Variants in UST observed in about 807,000 individuals in gnomAD.
UST encodes the protein chondroitin sulfate 2-O-sulfotransferase.
A neutral mutation model predicts 45.6 loss-of-function variants in UST; 21 were observed. The ratio of observed to expected loss-of-function variants is 0.46; its 90% CI spans 0.33 to 0.66. The LOEUF is 0.66. UST is among the 30% of genes least tolerant of loss of function. UST has a pLI of 0.02. For synonymous variants in UST, 215 were observed against 200.6 expected (o/e 1.07, Z -0.61); for missense variants, 463 against 512.4 (o/e 0.90, Z 0.93).
At chr6:148,972,479 A>G (rs541942435) in intron 5 of UST, among the ~76,000 whole-genome samples, 14 of 152,330 alleles carry the variant, frequency 9.2e-5, no homozygotes, top group African/African-American at 3.1e-4. Flanking sequence ...GAGCTTGGGT[A>G]CAGTAAAGTG....
At chr6:149,070,369 T>C (rs1456928393) in intron 7 of UST, among the ~76,000 whole-genome samples, 2 of 152,220 alleles carry the variant, frequency 1.3e-5, no homozygotes, top group African/African-American at 2.4e-5. Flanking sequence ...AAGACAGATA[T>C]TATAAAATGT....
At chr6:149,029,285 A>C (rs1397825855) in intron 7 of UST, among the ~76,000 whole-genome samples, 1 of 149,426 alleles carries the variant, frequency 6.7e-6, no homozygotes, top group African/African-American at 2.4e-5. Flanking sequence ...AAGTATATAC[A>C]TGTATATCTA....
intron 6 of UST, 77 bp downstream of exon 6, chr6:149,019,313 G>A (rs1775948448): frequency 9.2e-7 from 1 of 1,084,680 alleles, no homozygotes; most frequent in Non-Finnish European, 1.4e-6. Context: ...GTACTCGGTG[G>A]GAATCTTTTG....
intron 1 of UST, among the ~76,000 whole-genome samples, chr6:148,877,640 T>G: frequency 1.1e-5 from 1 of 92,058 alleles, no homozygotes; most frequent in Non-Finnish European, 2.1e-5. Flanking sequence ...CGTGTATGAG[T>G]GTGGGGTCGT....
intron 5 of UST, chr6:148,992,995 C>T (rs903626888): frequency 6.1e-5 from 60 of 985,280 alleles, no homozygotes; most frequent in Non-Finnish European, 6.9e-5. Flanking sequence ...CCCCTTTGGG[C>T]GGCTCAGCAT....
At chr6:148,803,402 C>T (rs1019844598) in intron 1 of UST, among the ~76,000 whole-genome samples, 19 of 152,290 alleles carry the variant, frequency 1.2e-4, no homozygotes, top group African/African-American at 4.6e-4. Flanking sequence ...TGGGCATCAA[C>T]CCTAACAGAA....
At chr6:148,885,555 G>T (rs1304970662) in intron 1 of UST, among the ~76,000 whole-genome samples, 2 of 152,166 alleles carry the variant, frequency 1.3e-5, no homozygotes, top group Admixed American at 1.3e-4. Flanking sequence ...GGCATGCTGG[G>T]TGTTTGTGTT....
At chr6:149,022,710 T>A (rs1775997350) in intron 7 of UST, among the ~76,000 whole-genome samples, 1 of 152,126 alleles carries the variant, frequency 6.6e-6, no homozygotes, top group Non-Finnish European at 1.5e-5. Flanking sequence ...CACTGGTAGG[T>A]CCCAAGGCCC....
intron 1 of UST, among the ~76,000 whole-genome samples, chr6:148,871,117 C>CCTCTCTCGCTCT (rs1778544217): frequency 1.0e-5 from 1 of 97,586 alleles, no homozygotes; most frequent in African/African-American, 4.6e-5. Flanking sequence ...GCATTCTCTC[C>CCTCTCTCGCTCT]CTCTCTCTCT....
intron 1 of UST, among the ~76,000 whole-genome samples, chr6:148,794,171 G>T (rs965396110): frequency 6.6e-6 from 1 of 152,152 alleles, no homozygotes; most frequent in Non-Finnish European, 1.5e-5. Context: ...GTCATATTGG[G>T]AATAATTTTT....
At chr6:148,772,472 G>A (rs1273010840) in intron 1 of UST, among the ~76,000 whole-genome samples, 1 of 151,712 alleles carries the variant, frequency 6.6e-6, no homozygotes, top group Non-Finnish European at 1.5e-5. Context: ...ACCCACGCTG[G>A]AGTGCAGTGG....
intron 1 of UST, among the ~76,000 whole-genome samples, chr6:148,833,468 AAGAG>A (rs1175858354): frequency 6.6e-6 from 1 of 152,166 alleles, no homozygotes; most frequent in African/African-American, 2.4e-5. Flanking sequence ...GCCTGGGTGA[AAGAG>A]AGAGACCCTA....
chr6:148,914,314 T>C (rs1779539877), intron 2 of UST, among the ~76,000 whole-genome samples: 1 of 151,624 alleles, frequency 6.6e-6, no homozygotes, highest in Admixed American at 6.6e-5. Flanking sequence ...GATTCTACCT[T>C]TGATAAATGA....
Position 148,844,966 on chromosome 6 carries a change from GT to G in UST, c.248-42012del, listed in dbSNP as rs992846485. ...CAAAGAACATGGTTTCATTGTTGTT[GT>G]TTTTTTTAATGGCTGCATAGTATTC... is the stretch of plus-strand genomic sequence containing the variant. On this transcript the variant is annotated intron_variant, in intron 1 of 7. Transcript: ENST00000367463. 2.6e-5 allele frequency among the ~76,000 whole-genome samples: 4 copies of G among 151,718 alleles called. No individual in the cohort carries two copies. The East Asian group carries it at 7.7e-4, about 29-fold the overall frequency.
chr6:148,995,903 A>G (rs1456103423), intron 5 of UST, among the ~76,000 whole-genome samples: 2 of 152,204 alleles, frequency 1.3e-5, no homozygotes, highest in African/African-American at 4.8e-5. Context: ...GGCCCTATTC[A>G]TGCATTCACA....
intron 5 of UST, among the ~76,000 whole-genome samples, chr6:148,965,649 C>T (rs1024625261): frequency 6.6e-6 from 1 of 152,068 alleles, no homozygotes; most frequent in Non-Finnish European, 1.5e-5. Context: ...GGATGATGTC[C>T]CCTCAGTGTC....
chr6:148,965,183 G>A (rs762930551), intron 5 of UST, among the ~76,000 whole-genome samples: 1 of 152,206 alleles, frequency 6.6e-6, no homozygotes, highest in Non-Finnish European at 1.5e-5. Flanking sequence ...CTCCATAAGG[G>A]ATGTTAGTCT....
chr6:148,911,551 C>T (rs1779475302), intron 2 of UST, among the ~76,000 whole-genome samples: 1 of 152,174 alleles, frequency 6.6e-6, no homozygotes, highest in South Asian at 2.1e-4. Context: ...ACACTTGATG[C>T]CTTCCCCTTC....
rs1453016759 is a variant in UST at position 149,010,095 on chromosome 6, A to G, written c.682-9044A>G. On this transcript the variant is annotated intron_variant, in intron 5 of 7. Coordinates refer to ENST00000367463, the MANE Select transcript of UST (RefSeq NM_005715.3). Reference sequence around the variant, plus strand: ...ACTTTCTCAGATAAGCATTTTTCCTATAGTTACATATTCTTTGTAAACATT... The same window carrying G: ...ACTTTCTCAGATAAGCATTTTTCCTGTAGTTACATATTCTTTGTAAACATT... Among the ~76,000 whole-genome samples, 3 of 152,072 alleles carry G rather than the reference A, an allele frequency of 2.0e-5. No homozygotes were observed. In the South Asian group the frequency reaches 6.2e-4, roughly 31 times the overall value.
Sources: allele counts gnomAD v4.1 joint callset (sites outside exome capture counted in the v4.1 genomes callset), GRCh38; gene constraint gnomAD v4.1.1; transcripts MANE v1.5; gene names NCBI Gene and HGNC (gene_info 2026-07-23, HGNC 2026-07-21).